Variants in NPIPB2 observed in about 807,000 individuals in gnomAD.
NPIPB2 encodes the protein nuclear pore complex interacting protein family member B2, also known as nuclear pore complex-interacting protein family member B2.
NPIPB2 carries 27 observed loss-of-function variants against 30.8 expected under a neutral mutation model. The ratio of observed to expected loss-of-function variants is 0.88; its 90% CI spans 0.65 to 1.21. NPIPB2 has a LOEUF of 1.21. Among genes scored for constraint, NPIPB2 ranks in the 50% most tolerant of loss-of-function variants. The pLI, the probability that NPIPB2 is intolerant of heterozygous loss-of-function variation, is 0.00. For synonymous variants in NPIPB2, 147 were observed against 162.0 expected (o/e 0.91, Z 0.70); for missense variants, 440 against 446.2 (o/e 0.99, Z 0.13).
intron 1 of NPIPB2, among the ~76,000 whole-genome samples, chr16:11,948,537 C>T (rs1018234858): frequency 5.9e-5 from 9 of 151,978 alleles, no homozygotes; most frequent in African/African-American, 9.6e-5. Context: ...GAGCCCGAGG[C>T]GGATGGATCA....
At position 11,930,558 on chromosome 16, in the gene NPIPB2, T is replaced by C. The variant is rs903090566; in HGVS notation, c.489-7A>G. On this transcript the variant is annotated splice_region_variant and splice_polypyrimidine_tract_variant and intron_variant, in intron 4 of 7. Coordinates refer to ENST00000399147, the Ensembl canonical transcript of NPIPB2. ...TTCTTTCACGCTTAGTTTCCTCAGA[T>C]TAGAAGGGAGAGAAATGCACACACA... 2.3e-5 allele frequency: 36 copies of C among 1,567,482 alleles called. 1 individual carries two copies. The African/African-American group carries it at 3.9e-4, about 17-fold the overall frequency.
At chr16:11,965,041 A>T in intron 1 of NPIPB2, 1 of 424,302 alleles carries the variant, frequency 2.4e-6, no homozygotes, top group Non-Finnish European at 4.2e-6. Context: ...TTTCTTCTAT[A>T]AATAAGCAGT....
rs372638318 is a variant in NPIPB2 at position 11,969,405 on chromosome 16, C to T, written c.-584+7163G>A. 9.9e-5 allele frequency among the ~76,000 whole-genome samples: 15 copies of T among 152,026 alleles called. No homozygotes were observed. The East Asian group carries it at 2.1e-3, about 22-fold the overall frequency. ...CCGAGTAGCTGGGATTACAGGTGCC[C>T]GCCACTGCGCCTGGCTAATTTTTGT... On this transcript the variant is annotated intron_variant, in intron 1 of 5. Transcript: ENST00000538896.
chr16:11,973,333 A>T (rs1181383416), intron 1 of NPIPB2, among the ~76,000 whole-genome samples: 1 of 151,764 alleles, frequency 6.6e-6, no homozygotes, highest in Non-Finnish European at 1.5e-5. Context: ...TGACTGGGGG[A>T]CTGAGAATTT....
chr16:11,968,319 A>G (rs1422409614), intron 1 of NPIPB2, among the ~76,000 whole-genome samples: 2 of 152,112 alleles, frequency 1.3e-5, no homozygotes, highest in East Asian at 1.9e-4. Flanking sequence ...TTTACTAAAA[A>G]TACAAAAATT....
At chr16:11,971,301 C>T (rs1319721070) in intron 1 of NPIPB2, among the ~76,000 whole-genome samples, 1 of 152,142 alleles carries the variant, frequency 6.6e-6, no homozygotes, top group Non-Finnish European at 1.5e-5. Flanking sequence ...TCAGGAGATT[C>T]TGAGAACACA....
intron 1 of NPIPB2, among the ~76,000 whole-genome samples, chr16:11,958,894 C>CTG: frequency 6.6e-6 from 1 of 152,322 alleles, no homozygotes; most frequent in East Asian, 1.9e-4. Flanking sequence ...TGCAGGATCT[C>CTG]GGGAGGTGAA....
chr16:11,934,226 T>TCACACACACTCA (rs2054833984), intron 2 of NPIPB2, among the ~76,000 whole-genome samples: 1 of 121,752 alleles, frequency 8.2e-6, no homozygotes, highest in Non-Finnish European at 1.7e-5. Flanking sequence ...TGAGACTCTG[T>TCACACACACTCA]CACACACACA....
intron 1 of NPIPB2, among the ~76,000 whole-genome samples, chr16:11,949,990 C>G (rs1358350231): frequency 6.6e-6 from 1 of 152,186 alleles, no homozygotes; most frequent in African/African-American, 2.4e-5. Context: ...GAAGAGTGTT[C>G]TCTGCAACCA....
At position 11,966,820 on chromosome 16, in the gene NPIPB2, AATC is replaced by A. The variant is rs563246335; in HGVS notation, c.-584+9745_-584+9747del. Among the ~76,000 whole-genome samples, 866 of 152,220 alleles carry A rather than the reference AATC, an allele frequency of 5.7e-3. 13 individuals carry two copies. Among genetic ancestry groups the A allele is most frequent in the African/African-American group, 0.02 (822 of 41,538 alleles). On this transcript the variant is annotated intron_variant, in intron 1 of 5. Transcript: ENST00000538896. ...CCAGTTGCTCCTGAATTATTTGAGG[AATC>A]ATCTAAAAAATAATTATTTTTAAGC...
chr16:11,933,626 G>T, exon 4 of NPIPB2: 3 of 1,596,732 alleles, frequency 1.9e-6, no homozygotes, highest in Non-Finnish European at 2.5e-6. Flanking sequence ...ACATGTCTCC[G>T]TAGAGTAATG....
In NPIPB2 at chr16:11,937,319, C is replaced by A. The variant is rs1175000144; in HGVS notation, c.192+221G>T. On this transcript the variant is annotated intron_variant, in intron 2 of 7. Transcript: ENST00000399147. ...AAGGTTAAAAAAACTTATTTTTGAC[C>A]AAAAGCTCTGTTGACATTCTATTAA... Among the ~76,000 whole-genome samples, 6 of 152,202 alleles carry A rather than the reference C, an allele frequency of 3.9e-5. No homozygotes were observed. In the South Asian group the frequency reaches 1.2e-3, roughly 32 times the overall value.
chr16:11,957,268 G>A (rs1160655527), intron 1 of NPIPB2, among the ~76,000 whole-genome samples: 3 of 151,348 alleles, frequency 2.0e-5, no homozygotes, highest in African/African-American at 4.9e-5. Context: ...GGGTTCAAGC[G>A]ATTCTCCTGC....
At chr16:11,945,488 C>T (rs1429640250), upstream of NPIPB2, among the ~76,000 whole-genome samples, 1 of 151,748 alleles carries the variant, frequency 6.6e-6, no homozygotes, top group African/African-American at 2.4e-5. Context: ...AGGCTGACCA[C>T]GAAGGTAAAA....
At chr16:11,938,008 TA>T (rs1448150508) in intron 1 of NPIPB2, among the ~76,000 whole-genome samples, 4 of 152,046 alleles carry the variant, frequency 2.6e-5, no homozygotes, top group East Asian at 3.9e-4. Context: ...GCTGATGATC[TA>T]AAAAAAACCT....
chr16:11,954,489 AAAAG>A lies in NPIPB2; in HGVS notation c.-583-12379_-583-12376del, dbSNP rs888734172. ...TAAGACTCTGTCTTTAAAAAAAAAA[AAAAG>A]AAAGAAAAAAAAGAATGTTAACTTT... On this transcript the variant is annotated intron_variant, in intron 1 of 5. Transcript: ENST00000538896. 1.4e-4 allele frequency among the ~76,000 whole-genome samples: 21 copies of A among 151,874 alleles called. 1 individual carries two copies. In the South Asian group the frequency reaches 2.7e-3, roughly 19 times the overall value.
At chr16:11,947,196 C>T (rs939161354) in intron 1 of NPIPB2, among the ~76,000 whole-genome samples, 1 of 147,710 alleles carries the variant, frequency 6.8e-6, no homozygotes, top group Non-Finnish European at 1.5e-5. Flanking sequence ...TCAGGATATC[C>T]TCCTGCCTCA....
chr16:11,975,432 C>A (rs1002187376), intron 1 of NPIPB2, among the ~76,000 whole-genome samples: 1 of 151,962 alleles, frequency 6.6e-6, no homozygotes, highest in African/African-American at 2.4e-5. Context: ...CAGGCGTGAG[C>A]CACCGCGCCC....
chr16:11,931,853 A>C, intron 4 of NPIPB2, among the ~76,000 whole-genome samples: 1 of 152,190 alleles, frequency 6.6e-6, no homozygotes, highest in Admixed American at 6.6e-5. Flanking sequence ...AAGATGGAGA[A>C]GAAGGAAACC....
Sources: allele counts gnomAD v4.1 joint callset (sites outside exome capture counted in the v4.1 genomes callset), GRCh38; gene constraint gnomAD v4.1.1; transcripts MANE v1.5; gene names NCBI Gene and HGNC (gene_info 2026-07-23, HGNC 2026-07-21).